Variants in RBFOX1 observed in about 807,000 individuals in gnomAD.
RBFOX1 encodes RNA binding protein fox-1 homolog 1.
RBFOX1 carries 8 observed loss-of-function variants against 57.7 expected under a neutral mutation model. The observed-to-expected ratio is 0.14, with a 90% CI of 0.08 to 0.25. RBFOX1 has a LOEUF of 0.25. Ranked by LOEUF, RBFOX1 falls within the 10% of genes least tolerant of loss-of-function variation. The pLI is 1.00. For synonymous variants in RBFOX1, 326 were observed against 222.4 expected (o/e 1.47, Z -4.15); for missense variants, 611 against 548.5 (o/e 1.11, Z -1.14).
At chr16:6,575,522 TTAAA>T (rs2097420192) in intron 2 of RBFOX1, among the ~76,000 whole-genome samples, 2 of 152,022 alleles carry the variant, frequency 1.3e-5, no homozygotes, top group Admixed American at 1.3e-4. Context: ...ACTTCTAAAA[TTAAA>T]CATGAAAACA....
chr16:5,675,184 A>G (rs1410266806), intron 3 of RBFOX1, among the ~76,000 whole-genome samples: 6 of 152,180 alleles, frequency 3.9e-5, no homozygotes, highest in Admixed American at 1.3e-4. Flanking sequence ...TATACACTGT[A>G]TATATACATC....
intron 2 of RBFOX1, among the ~76,000 whole-genome samples, chr16:6,527,643 T>A (rs765160762): frequency 6.6e-6 from 1 of 152,196 alleles, no homozygotes; most frequent in Non-Finnish European, 1.5e-5. Context: ...TCTTGAGGAC[T>A]GGTCTTGATT....
At chr16:5,488,351 G>C (rs1193735934) in intron 2 of RBFOX1, among the ~76,000 whole-genome samples, 1 of 148,760 alleles carries the variant, frequency 6.7e-6, no homozygotes, top group African/African-American at 2.5e-5. Flanking sequence ...AAAGACAGTG[G>C]TGATGGCAGA....
intron 4 of RBFOX1, among the ~76,000 whole-genome samples, chr16:7,217,703 CCATT>C (rs1269216437): frequency 1.3e-5 from 2 of 152,080 alleles, no homozygotes; most frequent in Non-Finnish European, 2.9e-5. Context: ...TGAAGAGTCA[CCATT>C]CAATTTCTTC....
At chr16:6,003,162 C>T (rs930805676) in intron 4 of RBFOX1, among the ~76,000 whole-genome samples, 2 of 151,952 alleles carry the variant, frequency 1.3e-5, no homozygotes, top group Admixed American at 6.6e-5. Flanking sequence ...GGTTGTAGTC[C>T]CAGGTACTCC....
intron 3 of RBFOX1, among the ~76,000 whole-genome samples, chr16:7,019,972 GCTCT>G (rs941302525): frequency 1.0e-4 from 15 of 149,714 alleles, no homozygotes; most frequent in African/African-American, 1.7e-4. Flanking sequence ...CTTTCTTCTG[GCTCT>G]CTCTTTTTTT....
chr16:7,072,808 C>T lies in RBFOX1; in HGVS notation c.27+20710C>T, dbSNP rs376540071. 4.7e-4 allele frequency among the ~76,000 whole-genome samples: 71 copies of T among 152,290 alleles called. 1 individual carries two copies. The South Asian group carries it at 8.1e-3, about 17-fold the overall frequency. On this transcript the variant is annotated intron_variant, in intron 4 of 15. Transcript: ENST00000550418. ...TCGGAGACATGTGAGATGAAGCTACCGTTGGCCCAGTTTTATTCCTGGGAG... is the reference window on the plus strand; with the variant it reads ...TCGGAGACATGTGAGATGAAGCTACTGTTGGCCCAGTTTTATTCCTGGGAG...
At chr16:7,410,633 T>C (rs2098415046) in intron 4 of RBFOX1, among the ~76,000 whole-genome samples, 1 of 152,140 alleles carries the variant, frequency 6.6e-6, no homozygotes, top group South Asian at 2.1e-4. Context: ...GCCAAGATTG[T>C]GCCATTGCAC....
intron 1 of RBFOX1, among the ~76,000 whole-genome samples, chr16:6,162,685 T>G (rs1470476337): frequency 6.6e-6 from 1 of 152,134 alleles, no homozygotes; most frequent in Non-Finnish European, 1.5e-5. Context: ...TTACAAGATG[T>G]TGGTAAACCA....
intron 5 of RBFOX1, among the ~76,000 whole-genome samples, chr16:7,565,811 G>A (rs958585368): frequency 2.0e-5 from 3 of 152,140 alleles, no homozygotes; most frequent in African/African-American, 7.2e-5. Context: ...TGTGCATGGA[G>A]GGGAGGAAGC....
chr16:7,075,570 C>G (rs888163830), intron 4 of RBFOX1, among the ~76,000 whole-genome samples: 1 of 151,562 alleles, frequency 6.6e-6, no homozygotes, highest in Non-Finnish European at 1.5e-5. Flanking sequence ...TTTATTTTTT[C>G]TTTTTTTTAT....
intron 4 of RBFOX1, among the ~76,000 whole-genome samples, chr16:7,185,325 A>G (rs2152549918): frequency 6.6e-6 from 1 of 152,054 alleles, no homozygotes; most frequent in Admixed American, 6.6e-5. Context: ...GAGCATTTTC[A>G]CGGTTTGTGT....
chr16:5,462,728 C>A (rs1403928451), intron 1 of RBFOX1, among the ~76,000 whole-genome samples: 1 of 152,148 alleles, frequency 6.6e-6, no homozygotes, highest in African/African-American at 2.4e-5. Context: ...TGTCTCCACA[C>A]TAAGGGCTCT....
chr16:6,985,008 C>T lies in RBFOX1; in HGVS notation c.-15-67049C>T, dbSNP rs374296925. On this transcript the variant is annotated intron_variant, in intron 3 of 15. Transcript: ENST00000550418. ...AGGAGGGAGGGCTCCTTGAAAAACC[C>T]AGGGGGAAATATCCTGGCTTTGCTG... is the stretch of plus-strand genomic sequence containing the variant. Among the ~76,000 whole-genome samples, 7 of 150,124 alleles carry T rather than the reference C, an allele frequency of 4.7e-5. No individual in the cohort carries two copies. In the East Asian group the frequency reaches 6.0e-4, roughly 13 times the overall value.
intron 3 of RBFOX1, among the ~76,000 whole-genome samples, chr16:6,818,103 A>G (rs894693060): frequency 2.8e-4 from 43 of 152,078 alleles, no homozygotes; most frequent in African/African-American, 1.0e-3. Context: ...ATTGTTTCAG[A>G]TTTTCCACCC....
intron 2 of RBFOX1, among the ~76,000 whole-genome samples, chr16:5,544,325 C>A (rs1179976036): frequency 1.3e-5 from 2 of 152,080 alleles, no homozygotes; most frequent in African/African-American, 4.8e-5. Context: ...TTAAGTAACT[C>A]ATGCATGGAG....
intron 3 of RBFOX1, among the ~76,000 whole-genome samples, chr16:6,904,132 C>T (rs752291565): frequency 4.6e-5 from 7 of 152,140 alleles, no homozygotes; most frequent in African/African-American, 9.7e-5. Context: ...GCAGTTCGTT[C>T]TCAGATCATT....
At chr16:7,124,099 A>G (rs2067834242) in intron 4 of RBFOX1, among the ~76,000 whole-genome samples, 1 of 152,214 alleles carries the variant, frequency 6.6e-6, no homozygotes, top group African/African-American at 2.4e-5. Context: ...AGTGTTTTAT[A>G]CTTTTACCAA....
intron 4 of RBFOX1, among the ~76,000 whole-genome samples, chr16:5,934,347 C>G (rs1174737277): frequency 6.6e-6 from 1 of 152,178 alleles, no homozygotes. Flanking sequence ...ATCTATTGTG[C>G]TTATTTTATG....
Sources: gnomAD v4.1 joint callset for allele counts (sites outside exome capture counted in the v4.1 genomes callset) on GRCh38, gnomAD v4.1.1 for gene constraint, MANE v1.5 for transcripts, NCBI Gene and HGNC (gene_info 2026-07-23, HGNC 2026-07-21) for gene names.